Variants in TSEN2 observed in about 807,000 individuals in gnomAD.
TSEN2 encodes the protein tRNA-splicing endonuclease subunit Sen2.
Under a neutral mutation model 59.2 loss-of-function variants are expected in TSEN2, and 54 were observed. That is an observed-to-expected ratio of 0.91 (90% CI 0.73 to 1.14). The LOEUF (loss-of-function observed/expected upper bound fraction) is 1.14. TSEN2 is among the 50% of genes most tolerant of loss of function. TSEN2 has a pLI of 0.00. For synonymous variants in TSEN2, 195 were observed against 198.2 expected (o/e 0.98, Z 0.14); for missense variants, 636 against 576.2 (o/e 1.10, Z -1.06).
intron 8 of TSEN2, among the ~76,000 whole-genome samples, chr3:12,519,412 G>A (rs573422212): frequency 3.0e-4 from 45 of 152,310 alleles, no homozygotes; most frequent in Middle Eastern, 6.8e-3. Context: ...AGCTTGCAAC[G>A]CCAGTTCAGG....
chr3:12,522,372 T>G (rs2056717658), intron 8 of TSEN2, among the ~76,000 whole-genome samples: 1 of 152,120 alleles, frequency 6.6e-6, no homozygotes, highest in African/African-American at 2.4e-5. Context: ...GATGTACAAT[T>G]AATACATTAA....
chr3:12,531,558 A>G lies in TSEN2; in HGVS notation c.1249-12A>G, dbSNP rs370637450. The G allele has an allele frequency of 2.1e-5, 33 of 1,591,244 alleles. No homozygotes were observed. The highest frequency in any genetic ancestry group is 2.7e-5 in the African/African-American group (2 of 74,446). On this transcript the variant is annotated splice_polypyrimidine_tract_variant and intron_variant, in intron 10 of 11. Coordinates refer to ENST00000284995, the MANE Select transcript of TSEN2 (RefSeq NM_025265.4). Reference sequence around the variant, plus strand: ...TTGTAGGATACAGAAGTGGTTTTTCATTTCTCAATAGGAACTTATGCTGTG... The same window carrying G: ...TTGTAGGATACAGAAGTGGTTTTTCGTTTCTCAATAGGAACTTATGCTGTG...
chr3:12,503,849 G>A, intron 5 of TSEN2, 65 bp downstream of exon 5: 1 of 1,561,304 alleles, frequency 6.4e-7, no homozygotes, highest in African/African-American at 1.4e-5. Context: ...TGGCTAATAG[G>A]GATGTCTTTT....
intron 7 of TSEN2, among the ~76,000 whole-genome samples, chr3:12,517,733 G>A (rs779771284): frequency 8.5e-5 from 13 of 152,124 alleles, no homozygotes; most frequent in African/African-American, 1.7e-4. Flanking sequence ...CCCAAATGGT[G>A]GCAATTCTTA....
chr3:12,515,005 G>A (rs1428911564), intron 6 of TSEN2: 3 of 152,070 alleles, frequency 2.0e-5, no homozygotes, highest in Non-Finnish European at 2.9e-5. Context: ...GCCATCACAC[G>A]TCTTATAGTC....
chr3:12,480,825 C>T (rs183038991), upstream of TSEN2, among the ~76,000 whole-genome samples: 184 of 152,228 alleles, frequency 1.2e-3, no homozygotes, highest in African/African-American at 3.9e-3. Context: ...TAAGTCACCG[C>T]GCCCGGCCTG....
chr3:12,527,131 T>G (rs768624888), intron 8 of TSEN2, among the ~76,000 whole-genome samples: 2 of 152,346 alleles, frequency 1.3e-5, no homozygotes, highest in Middle Eastern at 6.8e-3. Context: ...AAGTTGAAAA[T>G]TGTATGTTTG....
At chr3:12,491,636 C>T (rs756563839) in intron 2 of TSEN2, among the ~76,000 whole-genome samples, 12 of 152,030 alleles carry the variant, frequency 7.9e-5, no homozygotes, top group Non-Finnish European at 1.2e-4. Flanking sequence ...ACTCTTGAAG[C>T]GATTAGAAAG....
At position 12,531,997 on chromosome 3, in the gene TSEN2, G is replaced by C. The variant is rs950436087; in HGVS notation, c.1338+338G>C. 5.3e-5 allele frequency among the ~76,000 whole-genome samples: 8 copies of C among 152,178 alleles called. No homozygotes were observed. In the East Asian group the frequency reaches 1.5e-3, roughly 29 times the overall value. The stretch of plus-strand genomic sequence containing the variant: ...AGACCAGAGGTGTCCCTGTTGACTT[G>C]TTCCTGCTTCTGGGCTTCTGTATTG... On this transcript the variant is annotated intron_variant, in intron 11 of 11. Coordinates refer to ENST00000284995, the MANE Select transcript of TSEN2 (RefSeq NM_025265.4).
At chr3:12,536,615 A>G (rs903438024), downstream of TSEN2, among the ~76,000 whole-genome samples, 1 of 152,194 alleles carries the variant, frequency 6.6e-6, no homozygotes, top group African/African-American at 2.4e-5. Flanking sequence ...ATAATTCTAC[A>G]GACTGAGCAA....
intron 8 of TSEN2, among the ~76,000 whole-genome samples, chr3:12,522,318 C>T (rs978831409): frequency 1.3e-5 from 2 of 152,090 alleles, no homozygotes; most frequent in African/African-American, 4.8e-5. Context: ...TTTACAACTC[C>T]CCTGGAGGCC....
chr3:12,491,538 ACT>A (rs2053210903), intron 2 of TSEN2, among the ~76,000 whole-genome samples: 1 of 151,904 alleles, frequency 6.6e-6, no homozygotes, highest in African/African-American at 2.4e-5. Flanking sequence ...TAGAGAAGAA[ACT>A]CTGCCTCTGC....
chr3:12,537,581 T>C (rs1227306182), downstream of TSEN2, among the ~76,000 whole-genome samples: 2 of 152,234 alleles, frequency 1.3e-5, no homozygotes, highest in East Asian at 3.8e-4. Flanking sequence ...TGGCAAAGTA[T>C]TGACCCAGTT....
At chr3:12,516,796 A>C in intron 7 of TSEN2, 135 bp downstream of exon 7, 1 of 997,010 alleles carries the variant, frequency 1.0e-6, no homozygotes, top group Admixed American at 2.2e-5. Context: ...TTTTTCTCTA[A>C]AGTTTTGGAT....
At chr3:12,488,004 T>G (rs2052798501) in intron 1 of TSEN2, among the ~76,000 whole-genome samples, 1 of 152,230 alleles carries the variant, frequency 6.6e-6, no homozygotes, top group Admixed American at 6.5e-5. Flanking sequence ...TCTTTGTAAT[T>G]GATGTATCAT....
intron 11 of TSEN2, among the ~76,000 whole-genome samples, chr3:12,532,393 C>A (rs2057519782): frequency 6.6e-6 from 1 of 152,344 alleles, no homozygotes; most frequent in South Asian, 2.1e-4. Context: ...TTCATCCCGC[C>A]CACCTGTTTC....
chr3:12,526,264 C>T (rs1202107337), intron 8 of TSEN2, among the ~76,000 whole-genome samples: 1 of 152,200 alleles, frequency 6.6e-6, no homozygotes, highest in African/African-American at 2.4e-5. Context: ...TAGAACTTCG[C>T]ATTCACTCAC....
chr3:12,494,479 C>T (rs1383074886), intron 3 of TSEN2, among the ~76,000 whole-genome samples: 27 of 152,182 alleles, frequency 1.8e-4, no homozygotes, highest in Admixed American at 1.8e-3. Context: ...TCACTGCATC[C>T]TCCACTTCCT....
intron 9 of TSEN2, among the ~76,000 whole-genome samples, 198 bp downstream of exon 9, chr3:12,529,122 A>G (rs1223262688): frequency 1.3e-5 from 2 of 152,134 alleles, no homozygotes; most frequent in Non-Finnish European, 2.9e-5. Flanking sequence ...TTATGATAAT[A>G]TATGTTCTAG....
Sources: gnomAD v4.1 joint callset for allele counts (sites outside exome capture counted in the v4.1 genomes callset) on GRCh38, gnomAD v4.1.1 for gene constraint, MANE v1.5 for transcripts, NCBI Gene and HGNC (gene_info 2026-07-23, HGNC 2026-07-21) for gene names.